Variants in AGBL1 observed in about 807,000 individuals in gnomAD.
AGBL1 encodes AGBL carboxypeptidase 1.
In AGBL1, 130 loss-of-function variants were observed where a neutral mutation model predicts 118.9. The observed-to-expected ratio is 1.09, with a 90% CI of 0.95 to 1.26. AGBL1 has a LOEUF of 1.26. AGBL1 is among the 50% of genes most tolerant of loss of function. The pLI is 0.00. For missense variants in AGBL1, 1,584 were observed against 1,298.1 expected (o/e 1.22, Z -3.38); for synonymous variants, 555 against 478.9 (o/e 1.16, Z -2.08).
At chr15:86,984,562 C>T (rs1450632491) in intron 23 of AGBL1, among the ~76,000 whole-genome samples, 4 of 152,096 alleles carry the variant, frequency 2.6e-5, no homozygotes, top group Non-Finnish European at 4.4e-5. Flanking sequence ...GACAGGGTTT[C>T]ACCATCTTGG....
At chr15:86,264,967 GT>G (rs1597649374) in intron 11 of AGBL1, 129 bp downstream of exon 11, 3 of 944,124 alleles carry the variant, frequency 3.2e-6, no homozygotes, top group Non-Finnish European at 4.5e-6. Context: ...GTCAAAGCCT[GT>G]TGGCAAACTG....
intron 18 of AGBL1, among the ~76,000 whole-genome samples, chr15:86,507,713 T>G (rs1187193852): frequency 6.6e-6 from 1 of 152,030 alleles, no homozygotes; most frequent in Non-Finnish European, 1.5e-5. Flanking sequence ...GACTGCCAGG[T>G]AGAATGAAAG....
intron 23 of AGBL1, among the ~76,000 whole-genome samples, chr15:86,982,121 C>T (rs1288098749): frequency 1.3e-5 from 2 of 152,084 alleles, no homozygotes; most frequent in South Asian, 2.1e-4. Context: ...TCTTAATGTC[C>T]TCCCAAACTA....
chr15:86,255,008 T>C, intron 7 of AGBL1, among the ~76,000 whole-genome samples: 1 of 152,186 alleles, frequency 6.6e-6, no homozygotes. Flanking sequence ...TTTCAGAACA[T>C]TTGAACTTGC....
At chr15:87,016,969 T>G (rs2141794012) in intron 24 of AGBL1, among the ~76,000 whole-genome samples, 1 of 152,240 alleles carries the variant, frequency 6.6e-6, no homozygotes, top group Admixed American at 6.5e-5. Context: ...CCCCAGGATT[T>G]CTGACAAGGT....
rs181831380 is a variant in AGBL1, at chr15:86,703,703, T to G, written c.3158+29267T>G. On this transcript the variant is annotated intron_variant, in intron 22 of 22. Coordinates refer to ENST00000614907, the MANE Select transcript of AGBL1 (RefSeq NM_001386094.1). ...TGAATAAATCTCATGAGATCTGATG[T>G]TTTCATAAAGGGGAGTTTCTCTGCA... Among the ~76,000 whole-genome samples the G allele has an allele frequency of 8.1e-4, 124 of 152,158 alleles. 2 individuals carry two copies. In the East Asian group the frequency reaches 0.021, roughly 26 times the overall value.
chr15:86,202,229 G>A (rs572670454), intron 5 of AGBL1, among the ~76,000 whole-genome samples: 1 of 152,274 alleles, frequency 6.6e-6, no homozygotes, highest in African/African-American at 2.4e-5. Flanking sequence ...GGAGGGAGAG[G>A]TTGCAGTGAG....
At chr15:86,946,768 C>T (rs893678854) in intron 23 of AGBL1, among the ~76,000 whole-genome samples, 3 of 132,414 alleles carry the variant, frequency 2.3e-5, no homozygotes, top group Admixed American at 9.3e-5. Context: ...TGGTTGAACC[C>T]GGGAGGGGGA....
chr15:86,577,636 A>G (rs1248736700), intron 21 of AGBL1, among the ~76,000 whole-genome samples: 1 of 152,134 alleles, frequency 6.6e-6, no homozygotes, highest in Non-Finnish European at 1.5e-5. Context: ...CTGAGGGGAA[A>G]AAGTGGTTTA....
At chr15:86,898,823 A>G (rs1377313009) in intron 22 of AGBL1, among the ~76,000 whole-genome samples, 1 of 152,206 alleles carries the variant, frequency 6.6e-6, no homozygotes, top group Non-Finnish European at 1.5e-5. Context: ...AGAAATGCAA[A>G]TCAAAATGAC....
At chr15:86,098,410 C>A (rs1050847350) in intron 1 of AGBL1, among the ~76,000 whole-genome samples, 3 of 152,044 alleles carry the variant, frequency 2.0e-5, no homozygotes, top group Non-Finnish European at 2.9e-5. Flanking sequence ...TAAAGTGTCT[C>A]CCCTAAGGTT....
intron 3 of AGBL1, among the ~76,000 whole-genome samples, chr15:86,149,516 G>C (rs759835119): frequency 1.6e-4 from 25 of 152,038 alleles, no homozygotes; most frequent in Admixed American, 9.2e-4. Context: ...CAACAAAGAT[G>C]AAAAGAGACA....
chr15:86,491,361 G>A (rs1488340371), intron 18 of AGBL1, among the ~76,000 whole-genome samples: 1 of 152,098 alleles, frequency 6.6e-6, no homozygotes, highest in East Asian at 1.9e-4. Flanking sequence ...TATGTGGCTG[G>A]AGGTGCATGT....
intron 22 of AGBL1, among the ~76,000 whole-genome samples, chr15:86,860,864 A>G (rs1183262455): frequency 6.6e-6 from 1 of 152,130 alleles, no homozygotes; most frequent in Non-Finnish European, 1.5e-5. Context: ...GCAGAAAGCA[A>G]TAAGGAGGTG....
chr15:86,997,830 A>G (rs2141753817), intron 24 of AGBL1, among the ~76,000 whole-genome samples: 1 of 151,872 alleles, frequency 6.6e-6, no homozygotes, highest in East Asian at 1.9e-4. Context: ...CATGAGAGGA[A>G]GACATATTTC....
chr15:86,789,144 C>T (rs964274340), intron 22 of AGBL1, among the ~76,000 whole-genome samples: 2 of 152,250 alleles, frequency 1.3e-5, no homozygotes, highest in South Asian at 4.1e-4. Flanking sequence ...TAAGGTCCTA[C>T]AAGCCACTGC....
chr15:86,306,821 G>A (rs1375203136), intron 17 of AGBL1, among the ~76,000 whole-genome samples: 2 of 152,064 alleles, frequency 1.3e-5, no homozygotes, highest in African/African-American at 4.8e-5. Flanking sequence ...ACTCTCAACA[G>A]CATTTGTTAT....
chr15:86,776,738 T>TTA (rs200591414), intron 22 of AGBL1, among the ~76,000 whole-genome samples: 40,806 of 130,898 alleles, frequency 0.31, 6,833 homozygotes, highest in Non-Finnish European at 0.38. Context: ...TGGCTTAGAA[T>TTA]TATATATATA....
intron 22 of AGBL1, among the ~76,000 whole-genome samples, chr15:86,681,661 A>G (rs2085960152): frequency 6.6e-6 from 1 of 152,230 alleles, no homozygotes; most frequent in Non-Finnish European, 1.5e-5. Flanking sequence ...CAATTAGTCA[A>G]TAATCAAGAG....
Sources: allele counts gnomAD v4.1 joint callset (sites outside exome capture counted in the v4.1 genomes callset), GRCh38; gene constraint gnomAD v4.1.1; transcripts MANE v1.5; gene names NCBI Gene and HGNC (gene_info 2026-07-23, HGNC 2026-07-21).